CC2D2B: variants seen among roughly 807,000 people sequenced by gnomAD.
CC2D2B encodes coiled-coil and C2 domain containing 2B.
In CC2D2B, 128 loss-of-function variants were observed where a neutral mutation model predicts 161.2. The ratio of observed to expected loss-of-function variants is 0.79; its 90% confidence interval spans 0.69 to 0.92. CC2D2B has a LOEUF of 0.92. Ranked by LOEUF, CC2D2B falls within the 40% of genes least tolerant of loss-of-function variation. The pLI is 0.00. For synonymous variants in CC2D2B, 391 were observed against 449.8 expected (o/e 0.87, Z 1.65); for missense variants, 1,173 against 1,375.1 (o/e 0.85, Z 2.32).
At chr10:95,954,389 T>A (rs1232105736) in intron 10 of CC2D2B, among the ~76,000 whole-genome samples, 1 of 152,176 alleles carries the variant, frequency 6.6e-6, no homozygotes, top group Non-Finnish European at 1.5e-5. Flanking sequence ...TGATTTAAAA[T>A]ACTAACTTTA....
At chr10:95,912,595 A>G (rs1004391046) in intron 2 of CC2D2B, among the ~76,000 whole-genome samples, 1 of 152,124 alleles carries the variant, frequency 6.6e-6, no homozygotes, top group Non-Finnish European at 1.5e-5. Context: ...AGTTTTCAAA[A>G]AATAAGGTTG....
intron 30 of CC2D2B, 29 bp downstream of exon 30, chr10:96,016,343 T>C (rs1184552456): frequency 2.1e-6 from 3 of 1,407,200 alleles, no homozygotes; most frequent in Non-Finnish European, 2.0e-6. Flanking sequence ...ATTGAAATAA[T>C]GTAAGCAAAA....
At chr10:95,960,327 A>G (rs1163067269) in intron 11 of CC2D2B, among the ~76,000 whole-genome samples, 2 of 152,106 alleles carry the variant, frequency 1.3e-5, no homozygotes, top group Non-Finnish European at 2.9e-5. Flanking sequence ...TACAATATAC[A>G]CCTGTTATCC....
chr10:95,913,881 C>A (rs750773278), intron 2 of CC2D2B, among the ~76,000 whole-genome samples: 1 of 152,124 alleles, frequency 6.6e-6, no homozygotes, highest in African/African-American at 2.4e-5. Flanking sequence ...TAATCAGATA[C>A]ATAGTTTGCA....
Position 96,004,265 on chromosome 10 carries a change from A to G in CC2D2B, c.2946+17A>G, listed in dbSNP as rs777970718. ...AAACATGAGGTAAAGTAGAATAATT[A>G]CAATAGCCAATGCTGAAATAATTCT... On this transcript the variant is annotated intron_variant, in intron 25 of 34. Transcript: ENST00000646931. 2.4e-5 allele frequency: 30 copies of G among 1,230,692 alleles called. No individual in the cohort carries two copies. In the East Asian group the frequency reaches 7.2e-4, roughly 29 times the overall value. 76.2% of individuals were successfully genotyped at this position (1,230,692 alleles called of 1,614,324 possible). A position where few individuals can be genotyped will look rare whatever the true frequency, so the allele number is the denominator to read the frequency against.
intron 6 of CC2D2B, among the ~76,000 whole-genome samples, chr10:95,930,089 T>C (rs1011057800): frequency 1.3e-5 from 2 of 152,208 alleles, no homozygotes; most frequent in Non-Finnish European, 2.9e-5. Context: ...GGTTTATAGT[T>C]CTCCTTGAAG....
intron 2 of CC2D2B, among the ~76,000 whole-genome samples, chr10:95,913,796 C>T (rs1281692018): frequency 6.6e-6 from 1 of 151,946 alleles, no homozygotes; most frequent in African/African-American, 2.4e-5. Context: ...ATCTTTTGCC[C>T]ATTTTTAAAT....
intron 10 of CC2D2B, among the ~76,000 whole-genome samples, chr10:95,953,414 G>A (rs1175325432): frequency 6.6e-6 from 1 of 152,070 alleles, no homozygotes; most frequent in Admixed American, 6.6e-5. Flanking sequence ...TATTGCCAGA[G>A]TGACCTTGAA....
chr10:95,979,495 T>C (rs548824083), intron 17 of CC2D2B, among the ~76,000 whole-genome samples: 14 of 152,228 alleles, frequency 9.2e-5, no homozygotes, highest in African/African-American at 1.4e-4. Flanking sequence ...CTAAGTAAAG[T>C]TCCCCCCAGA....
In CC2D2B at chr10:95,972,011, T is replaced by C. The variant is rs186812306; in HGVS notation, c.1645-55T>C. The C allele has an allele frequency of 5.5e-5, 54 of 981,310 alleles. No individual in the cohort carries two copies. In the African/African-American group the frequency reaches 6.7e-4, roughly 12 times the overall value. The allele number at this position is 981,310 out of a possible 1,614,324, so 60.8% of individuals were successfully genotyped here. A position where few individuals can be genotyped will look rare whatever the true frequency, so the allele number is the denominator to read the frequency against. On this transcript the variant is annotated intron_variant, in intron 15 of 34. Transcript: ENST00000646931. ...TATGTTGTTAAGGGTGCTTATTTTT[T>C]CCTTTTTCTGTGTTGTATTTTTAGT...
chr10:95,976,420 G>A (rs750515272), intron 17 of CC2D2B, among the ~76,000 whole-genome samples: 5 of 152,222 alleles, frequency 3.3e-5, no homozygotes, highest in Non-Finnish European at 5.9e-5. Context: ...TGCAAGAGTG[G>A]GACAGATGAC....
At chr10:95,951,351 C>T (rs575246774) in intron 10 of CC2D2B, among the ~76,000 whole-genome samples, 1 of 152,058 alleles carries the variant, frequency 6.6e-6, no homozygotes, top group Non-Finnish European at 1.5e-5. Flanking sequence ...AGGCTTTTGC[C>T]ATGTTGCCCA....
At chr10:96,009,192 T>C (rs1426426179) in intron 25 of CC2D2B, among the ~76,000 whole-genome samples, 1 of 152,114 alleles carries the variant, frequency 6.6e-6, no homozygotes, top group Non-Finnish European at 1.5e-5. Context: ...GGGTTTACTC[T>C]AGACAGCATA....
At chr10:95,908,688 T>G (rs1211498639) in intron 1 of CC2D2B, among the ~76,000 whole-genome samples, 1 of 151,944 alleles carries the variant, frequency 6.6e-6, no homozygotes, top group East Asian at 1.9e-4. Flanking sequence ...GGCTTCACTT[T>G]CAGAAAGGGC....
At chr10:96,030,445 G>A (rs1340294832) in intron 34 of CC2D2B, among the ~76,000 whole-genome samples, 2 of 152,000 alleles carry the variant, frequency 1.3e-5, no homozygotes, top group Non-Finnish European at 2.9e-5. Context: ...CCCTTACCAT[G>A]CAATAGACTA....
intron 11 of CC2D2B, among the ~76,000 whole-genome samples, chr10:95,958,469 G>A (rs944682600): frequency 6.6e-6 from 1 of 152,184 alleles, no homozygotes; most frequent in East Asian, 1.9e-4. Flanking sequence ...TCCAGCCTGG[G>A]TGACAGAGTG....
At chr10:96,011,778 A>G (rs61869174) in intron 26 of CC2D2B, among the ~76,000 whole-genome samples, 7,463 of 145,920 alleles carry the variant, frequency 0.051, 246 homozygotes, top group Middle Eastern at 0.092. Flanking sequence ...CACACACACA[A>G]TTTCTCCTAC....
intron 24 of CC2D2B, among the ~76,000 whole-genome samples, chr10:96,002,665 G>T (rs916953131): frequency 4.6e-5 from 7 of 152,132 alleles, no homozygotes; most frequent in Non-Finnish European, 1.0e-4. Context: ...AGGGGAGTCA[G>T]CTAGTTATTT....
Position 96,019,080 on chromosome 10 carries a change from T to A in CC2D2B, c.3631-123T>A, listed in dbSNP as rs1590907677. 4.1e-6 allele frequency: 3 copies of A among 736,158 alleles called. No individual in the cohort carries two copies. The East Asian group carries it at 8.8e-5, about 22-fold the overall frequency. The allele number at this position is 736,158 out of a possible 1,614,324, so 45.6% of individuals were successfully genotyped here. A position where few individuals can be genotyped will look rare whatever the true frequency, so the allele number is the denominator to read the frequency against. On this transcript the variant is annotated intron_variant, in intron 30 of 34. Coordinates refer to ENST00000646931, the MANE Select transcript of CC2D2B (RefSeq NM_001349008.3). ...CCTCAGCCTCCCAAAGAGCCGGGAT[T>A]ACAGGTATAAGCCACCACACTCCAC...
Sources: gnomAD v4.1 joint callset for allele counts (sites outside exome capture counted in the v4.1 genomes callset) on GRCh38, gnomAD v4.1.1 for gene constraint, MANE v1.5 for transcripts, NCBI Gene and HGNC (gene_info 2026-07-23, HGNC 2026-07-21) for gene names.